COL3A1: variants seen among roughly 807,000 people sequenced by gnomAD.
COL3A1 encodes collagen type III alpha 1 chain.
COL3A1 carries 46 observed loss-of-function variants against 200.9 expected under a neutral mutation model. The observed-to-expected ratio is 0.23, with a 90% CI of 0.18 to 0.29. The LOEUF (loss-of-function observed/expected upper bound fraction) is 0.29, where lower values mean the gene tolerates loss of function less well. COL3A1 is among the 10% of genes least tolerant of loss of function. The pLI is 1.00. For synonymous variants in COL3A1, 650 were observed against 628.0 expected (o/e 1.03, Z -0.52); for missense variants, 1,367 against 1,917.6 (o/e 0.71, Z 5.36).
chr2:188,990,421 C>T (rs2153501985), intron 10 of COL3A1, 61 bp downstream of exon 10: 3 of 1,326,574 alleles, frequency 2.3e-6, no homozygotes, highest in African/African-American at 1.4e-5. Context: ...ACTTGCCTAA[C>T]CAATTTTACT....
rs959075157 is a variant in COL3A1, at chr2:188,996,333, A to T, written c.1663-65A>T. ...ACACACACACACACACACACATACT[A>T]TATATATAGCATGCTTTAATCTTCT... On this transcript the variant is annotated intron_variant, in intron 23 of 50. Coordinates refer to ENST00000304636, the MANE Select transcript of COL3A1 (RefSeq NM_000090.4). 12 of 925,496 alleles carry T rather than the reference A, an allele frequency of 1.3e-5. No homozygotes were observed. The African/African-American group carries it at 2.2e-4, about 17-fold the overall frequency. 57.3% of individuals were successfully genotyped at this position (925,496 alleles called of 1,614,324 possible). A position where few individuals can be genotyped will look rare whatever the true frequency, so the allele number is the denominator to read the frequency against.
chr2:188,999,925 C>T, intron 32 of COL3A1, 30 bp downstream of exon 32: 2 of 1,570,814 alleles, frequency 1.3e-6, no homozygotes, highest in East Asian at 2.3e-5. Flanking sequence ...AGAAGCAGGC[C>T]TTATCTATAT....
Position 188,998,895 on chromosome 2 carries a change from T to C in COL3A1, c.2022+177T>C, listed in dbSNP as rs1688389746. 2.6e-5 allele frequency among the ~76,000 whole-genome samples: 4 copies of C among 152,230 alleles called. No individual in the cohort carries two copies. The South Asian group carries it at 6.2e-4, about 24-fold the overall frequency. On this transcript the variant is annotated intron_variant, in intron 29 of 50. Transcript: ENST00000304636. Reference sequence around the variant, plus strand: ...TTTCAATACATTAAATTTGCTTTAATCTGGAAGGTCCAATTCTCTGACATT... The same window carrying C: ...TTTCAATACATTAAATTTGCTTTAACCTGGAAGGTCCAATTCTCTGACATT...
In COL3A1 at chr2:189,004,375, T is replaced by G; in HGVS notation, c.2931+11T>G. 1.3e-6 allele frequency: 2 copies of G among 1,579,044 alleles called. No individual in the cohort carries two copies. The highest frequency in any genetic ancestry group is 1.7e-6 in the Non-Finnish European group (2 of 1,160,990). ...CCTCAGGGTGTCAAGGTGAGTATAG[T>G]CATTTTCCACTACACTCTTCCTTCC... On this transcript the variant is annotated intron_variant, in intron 40 of 50. Transcript: ENST00000304636.
chr2:189,006,986 C>T lies in COL3A1; in HGVS notation c.3251C>T (p.Ala1084Val). ...CCCGGTCCTGCTGGTTCCCGAGGTG[C>T]TCCTGTAAGTTTTGTCATTTTTTGG... is the stretch of plus-strand genomic sequence containing the variant. ...GAPGPAGSRG[A>V]PGPQGPRGDK... Residue 1084 changes from alanine to valine, a missense_variant, in exon 44 of 51, where the codon GCT (alanine) becomes GTT (valine). Ala to Val is a moderately conservative substitution (Grantham distance 64). Around this residue, in one of 5 missense-constraint regions of COL3A1, gnomAD observed 846 missense variants for 1,147.9 expected, o/e 0.74. Transcript: ENST00000304636. 1 of 1,612,244 alleles carries T rather than the reference C, an allele frequency of 6.2e-7. No individual in the cohort carries two copies. Among genetic ancestry groups the T allele is most frequent in the Non-Finnish European group, 8.5e-7 (1 of 1,179,538 alleles).
chr2:188,994,803 A>G lies in COL3A1; in HGVS notation c.1427A>G (p.Asn476Ser). 6.2e-7 allele frequency: 1 copy of G among 1,613,712 alleles called. No individual in the cohort carries two copies. Among genetic ancestry groups the G allele is most frequent in the Non-Finnish European group, 8.5e-7 (1 of 1,179,980 alleles). Residue 476 changes from asparagine to serine, a missense_variant, in exon 20 of 51, where the codon AAT becomes AGT. Transcript: ENST00000304636. The surrounding 1 kb of genome is among the most constrained non-coding windows in gnomAD (Gnocchi z 4.5). Reference sequence around the variant, plus strand: ...GGATCACCTGGAGAACCTGGTGCAAATGGGCTTCCAGGAGCTGCAGGAGAA... The same window carrying G: ...GGATCACCTGGAGAACCTGGTGCAAGTGGGCTTCCAGGAGCTGCAGGAGAA... ...KDGSPGEPGA[N>S]GLPGAAGERG...
chr2:188,985,160 T>C lies in COL3A1; in HGVS notation c.283-37T>C, dbSNP rs200253221. On this transcript the variant is annotated intron_variant, in intron 2 of 50. Coordinates refer to ENST00000304636, the MANE Select transcript of COL3A1 (RefSeq NM_000090.4). ...GGGTTACTAAATAATATGCAAATTCTGTGTCTTGTTTAACTTGTTTCTTTT... is the reference window on the plus strand; with the variant it reads ...GGGTTACTAAATAATATGCAAATTCCGTGTCTTGTTTAACTTGTTTCTTTT... The C allele has an allele frequency of 3.4e-5, 55 of 1,597,382 alleles. No homozygotes were observed. The African/African-American group carries it at 7.2e-4, about 21-fold the overall frequency.
rs1688039612 is a variant in COL3A1, at chr2:188,985,187, C to T, written c.283-10C>T. On this transcript the variant is annotated splice_polypyrimidine_tract_variant and intron_variant, in intron 2 of 50. Coordinates refer to ENST00000304636, the MANE Select transcript of COL3A1 (RefSeq NM_000090.4). The stretch of plus-strand genomic sequence containing the variant: ...TGTCTTGTTTAACTTGTTTCTTTTC[C>T]ATTTATTAGCCTACTCGCCCTCCTA... The T allele has an allele frequency of 3.7e-6, 6 of 1,611,760 alleles. No individual in the cohort carries two copies. The highest frequency in any genetic ancestry group is 1.3e-5 in the African/African-American group (1 of 74,890).
chr2:189,003,367 G>T, intron 36 of COL3A1, 44 bp from the exon 37 acceptor site: 1 of 1,574,820 alleles, frequency 6.3e-7, no homozygotes, highest in South Asian at 1.1e-5. Context: ...CCCAAATTTT[G>T]ATTTTGGTGC....
chr2:188,989,562 T>A, intron 8 of COL3A1, 113 bp downstream of exon 8: 2 of 827,760 alleles, frequency 2.4e-6, no homozygotes, highest in Non-Finnish European at 3.9e-6. Flanking sequence ...TTCAAAATAT[T>A]GTTGTCTTAA....
chr2:188,996,268 G>GTATA lies in COL3A1; in HGVS notation c.1662+91_1662+92insATAT, dbSNP rs199811168. The GTATA allele has an allele frequency of 4.5e-6, 4 of 892,756 alleles. No homozygotes were observed. In the African/African-American group the frequency reaches 1.0e-4, roughly 23 times the overall value. 55.3% of individuals were successfully genotyped at this position (892,756 alleles called of 1,614,324 possible). A position where few individuals can be genotyped will look rare whatever the true frequency, so the allele number is the denominator to read the frequency against. On this transcript the variant is annotated intron_variant, in intron 23 of 50. Transcript: ENST00000304636. Reference sequence around the variant, plus strand: ...TCCTTGAGTGTGTGTGTGTGTGTGTGTGTATATATATATATGTATATGTAT... The same window carrying GTATA: ...TCCTTGAGTGTGTGTGTGTGTGTGTGTATATGTATATATATATATGTATATGTAT...
chr2:189,001,025 A>G (rs1247022432), intron 32 of COL3A1, among the ~76,000 whole-genome samples: 1 of 152,200 alleles, frequency 6.6e-6, no homozygotes, highest in Non-Finnish European at 1.5e-5. Flanking sequence ...TAATATGTAC[A>G]ATGAGACTTT....
intron 1 of COL3A1, among the ~76,000 whole-genome samples, chr2:188,983,258 C>G (rs1190092934): frequency 6.6e-6 from 1 of 151,844 alleles, no homozygotes; most frequent in African/African-American, 2.4e-5. Context: ...ATGAAGCTTT[C>G]CTTCGTTAGC....
chr2:189,003,847 A>G (rs1209395899), intron 38 of COL3A1, 60 bp downstream of exon 38: 2 of 1,587,304 alleles, frequency 1.3e-6, no homozygotes, highest in African/African-American at 2.7e-5. Context: ...TCATGTATGT[A>G]TAGGATGAGA....
chr2:188,992,759 T>C (rs912627070), intron 14 of COL3A1, 128 bp from the exon 15 acceptor site: 6 of 803,968 alleles, frequency 7.5e-6, no homozygotes, highest in Non-Finnish European at 1.3e-5. Flanking sequence ...ATAATATCCA[T>C]AAAATATGAA....
chr2:188,991,789 G>C (rs1400140906), intron 13 of COL3A1, 67 bp downstream of exon 13: 3 of 1,503,232 alleles, frequency 2.0e-6, no homozygotes, highest in East Asian at 4.5e-5. Flanking sequence ...CCTCAGTAAA[G>C]TTTCAGGCTG....
intron 22 of COL3A1, 108 bp downstream of exon 22, chr2:188,995,898 T>C (rs1049171536): frequency 3.3e-5 from 36 of 1,094,656 alleles, no homozygotes; most frequent in Admixed American, 6.7e-5. Flanking sequence ...ACATATTTTG[T>C]AAGGCACCAA....
At chr2:189,010,915 G>A (rs967426546) in intron 50 of COL3A1, 25 bp downstream of exon 50, 3 of 1,613,538 alleles carry the variant, frequency 1.9e-6, no homozygotes, top group African/African-American at 2.7e-5. Flanking sequence ...TCTCAATATA[G>A]GTCATAAAGC....
intron 7 of COL3A1, among the ~76,000 whole-genome samples, 189 bp downstream of exon 7, chr2:188,988,832 T>C (rs962629478): frequency 6.6e-6 from 1 of 151,976 alleles, no homozygotes; most frequent in Non-Finnish European, 1.5e-5. Context: ...AGACACTAGT[T>C]AATAAAGGAA....
Sources: allele counts gnomAD v4.1 joint callset (sites outside exome capture counted in the v4.1 genomes callset), GRCh38; gene constraint gnomAD v4.1.1; regional missense constraint gnomAD v4.1.1; non-coding constraint Gnocchi (gnomAD v3.1); transcripts MANE v1.5; gene names NCBI Gene and HGNC (gene_info 2026-07-23, HGNC 2026-07-21).